The following KLHL32 variants were observed in gnomAD, a reference collection of about 807,000 sequenced individuals.
The protein encoded by KLHL32 is kelch-like protein 32.
A neutral mutation model predicts 64.8 loss-of-function variants in KLHL32; 35 were observed. The ratio of observed to expected loss-of-function variants is 0.54; its 90% CI spans 0.41 to 0.72. The LOEUF is 0.72. Among genes scored for constraint, KLHL32 ranks in the 30% least tolerant of loss-of-function variants. The pLI is 0.00. For missense variants in KLHL32, 589 were observed against 768.5 expected (o/e 0.77, Z 2.76); for synonymous variants, 259 against 281.0 (o/e 0.92, Z 0.78).
chr6:96,998,710 G>T (rs1329207152), intron 3 of KLHL32, among the ~76,000 whole-genome samples: 2 of 152,136 alleles, frequency 1.3e-5, no homozygotes, highest in African/African-American at 4.8e-5. Context: ...TGTGATAAGT[G>T]GATGTTTATG....
At chr6:97,044,742 G>C (rs1785660670) in intron 4 of KLHL32, among the ~76,000 whole-genome samples, 1 of 151,894 alleles carries the variant, frequency 6.6e-6, no homozygotes, top group African/African-American at 2.4e-5. Context: ...AGTCTTGCTA[G>C]GTTGTATGTT....
intron 4 of KLHL32, among the ~76,000 whole-genome samples, chr6:97,056,374 G>A (rs1341873835): frequency 6.6e-6 from 1 of 152,012 alleles, no homozygotes; most frequent in Non-Finnish European, 1.5e-5. Flanking sequence ...CAAAGTGCTG[G>A]GATTACAAAC....
At chr6:96,909,617 G>A in the KLHL32 span, among the ~76,000 whole-genome samples, 2 of 152,226 alleles carry the variant, frequency 1.3e-5, no homozygotes, top group East Asian at 3.8e-4. Context: ...CTTTGCCTAA[G>A]ATGCTACAGA....
intron 3 of KLHL32, among the ~76,000 whole-genome samples, chr6:97,013,606 A>G (rs1320135289): frequency 6.6e-6 from 1 of 152,240 alleles, no homozygotes; most frequent in Non-Finnish European, 1.5e-5. Context: ...ATACCCAGTT[A>G]AGGCATTTTG....
chr6:97,111,481 C>T (rs1018156120), intron 6 of KLHL32, among the ~76,000 whole-genome samples: 3 of 152,180 alleles, frequency 2.0e-5, no homozygotes, highest in African/African-American at 7.2e-5. Flanking sequence ...TGCACCCAAC[C>T]CCTCATGGGA....
chr6:97,091,402 T>A (rs373101584), intron 6 of KLHL32, among the ~76,000 whole-genome samples: 1 of 152,168 alleles, frequency 6.6e-6, no homozygotes, highest in East Asian at 1.9e-4. Flanking sequence ...AGTTATTGAG[T>A]GCCTGCTCTA....
chr6:96,971,812 T>C (rs1300259816), intron 2 of KLHL32, among the ~76,000 whole-genome samples: 1 of 152,202 alleles, frequency 6.6e-6, no homozygotes, highest in Non-Finnish European at 1.5e-5. Context: ...ATATCTATAA[T>C]TTAAAATTTC....
chr6:96,969,173 C>A (rs1335994672), intron 2 of KLHL32, among the ~76,000 whole-genome samples: 1 of 152,198 alleles, frequency 6.6e-6, no homozygotes, highest in Non-Finnish European at 1.5e-5. Flanking sequence ...GACCCTCAAT[C>A]TGCTTATCTC....
intron 3 of KLHL32, among the ~76,000 whole-genome samples, chr6:96,980,284 T>C (rs1776161760): frequency 6.6e-6 from 1 of 152,160 alleles, no homozygotes; most frequent in African/African-American, 2.4e-5. Flanking sequence ...TTCAGTATGA[T>C]GTTGGTGTGG....
At chr6:97,028,712 C>T (rs1373143220) in intron 3 of KLHL32, among the ~76,000 whole-genome samples, 1 of 152,166 alleles carries the variant, frequency 6.6e-6, no homozygotes, top group Non-Finnish European at 1.5e-5. Context: ...AGGATTGTGC[C>T]ATTGGCTGCC....
the KLHL32 span, among the ~76,000 whole-genome samples, chr6:96,919,615 T>C: frequency 6.6e-6 from 1 of 151,898 alleles, no homozygotes; most frequent in Non-Finnish European, 1.5e-5. Context: ...TGCTTATTAT[T>C]TTCCAATAAT....
chr6:97,112,206 A>C (rs1235508049), intron 6 of KLHL32, among the ~76,000 whole-genome samples: 1 of 152,094 alleles, frequency 6.6e-6, no homozygotes, highest in Non-Finnish European at 1.5e-5. Context: ...AAATTATTTA[A>C]TATTCTATTT....
intron 9 of KLHL32, among the ~76,000 whole-genome samples, chr6:97,132,050 C>G (rs1212274841): frequency 6.6e-6 from 1 of 152,104 alleles, no homozygotes; most frequent in Admixed American, 6.5e-5. Flanking sequence ...GAGGGGAAAC[C>G]TTTCATCATT....
intron 2 of KLHL32, among the ~76,000 whole-genome samples, chr6:96,971,779 C>A (rs754390460): frequency 3.9e-5 from 6 of 152,050 alleles, no homozygotes; most frequent in Non-Finnish European, 7.4e-5. Context: ...CATAGAGTAT[C>A]CAATAGAACC....
intron 3 of KLHL32, among the ~76,000 whole-genome samples, chr6:96,976,659 C>T (rs777257546): frequency 5.9e-5 from 9 of 152,162 alleles, no homozygotes; most frequent in South Asian, 2.1e-4. Context: ...GTGCCAATGG[C>T]GCAATCTTGG....
upstream of KLHL32, among the ~76,000 whole-genome samples, chr6:96,919,887 A>G (rs1359443266): frequency 6.6e-6 from 1 of 152,236 alleles, no homozygotes; most frequent in Non-Finnish European, 1.5e-5. Flanking sequence ...GCTCTTGCCC[A>G]TTCAACTAAG....
intron 4 of KLHL32, chr6:97,062,303 A>G (rs1789037742): frequency 6.6e-6 from 1 of 152,230 alleles, no homozygotes. Flanking sequence ...CAACCTTTCT[A>G]ATCCATCTAT....
At chr6:96,919,495 T>C in the KLHL32 span, among the ~76,000 whole-genome samples, 1 of 152,354 alleles carries the variant, frequency 6.6e-6, no homozygotes, top group East Asian at 1.9e-4. Flanking sequence ...TGTTTTTGAA[T>C]CTTCTACTTC....
chr6:97,022,631 G>A (rs1322027818), intron 3 of KLHL32, among the ~76,000 whole-genome samples: 1 of 150,736 alleles, frequency 6.6e-6, no homozygotes, highest in African/African-American at 2.5e-5. Context: ...CACCACACCT[G>A]GCTAATTTTT....
Sources: allele counts gnomAD v4.1 joint callset (sites outside exome capture counted in the v4.1 genomes callset), GRCh38; gene constraint gnomAD v4.1.1; transcripts MANE v1.5; gene names NCBI Gene and HGNC (gene_info 2026-07-23, HGNC 2026-07-21).